ANO4: variants seen among roughly 807,000 people sequenced by gnomAD.
The protein encoded by ANO4 is anoctamin-4.
ANO4 carries 69 observed loss-of-function variants against 141.9 expected under a neutral mutation model. The observed-to-expected ratio is 0.49, with a 90% CI of 0.40 to 0.59. The LOEUF is 0.59. Among genes scored for constraint, ANO4 ranks in the 20% least tolerant of loss-of-function variants. The probability of loss-of-function intolerance (pLI) is 0.00; values close to 1 mark genes in which losing one functional copy is unlikely to be tolerated. For missense variants in ANO4, 894 were observed against 1,162.2 expected (o/e 0.77, Z 3.36); for synonymous variants, 350 against 394.3 (o/e 0.89, Z 1.33).
In ANO4 at chr12:101,080,883, T is replaced by TATTATA. The variant is rs1491584060; in HGVS notation, c.1395+1608_1395+1609insATTATA. On this transcript the variant is annotated intron_variant, in intron 15 of 27. Coordinates refer to ENST00000392977, the MANE Select transcript of ANO4 (RefSeq NM_001286615.2). ...GGTTCTAGATATATATATATATATA[T>TATTATA]TATATATATATATATATACATACAC... Among the ~76,000 whole-genome samples the TATTATA allele has an allele frequency of 4.7e-3, 351 of 74,086 alleles. 3 individuals carry two copies. Among genetic ancestry groups the TATTATA allele is most frequent in the African/African-American group, 0.013 (340 of 25,632 alleles). 48.6% of individuals were successfully genotyped at this position (74,086 alleles called of 152,430 possible).
At chr12:101,111,273 A>C (rs751040980) in intron 23 of ANO4, among the ~76,000 whole-genome samples, 2 of 152,182 alleles carry the variant, frequency 1.3e-5, no homozygotes, top group Non-Finnish European at 2.9e-5. Context: ...GGGGCTTGAC[A>C]TTATGTGTGC....
chr12:100,864,577 C>G (rs1219622783), intron 1 of ANO4, among the ~76,000 whole-genome samples: 1 of 152,188 alleles, frequency 6.6e-6, no homozygotes, highest in East Asian at 1.9e-4. Flanking sequence ...TCTTCAGCCT[C>G]TCACTCACAC....
At chr12:100,969,072 G>T (rs1265907534) in intron 5 of ANO4, among the ~76,000 whole-genome samples, 1 of 152,206 alleles carries the variant, frequency 6.6e-6, no homozygotes, top group Non-Finnish European at 1.5e-5. Context: ...GCAGTAACCT[G>T]CAGTGTTCAC....
intron 3 of ANO4, among the ~76,000 whole-genome samples, chr12:100,787,254 A>C (rs2033902449): frequency 6.6e-6 from 1 of 152,184 alleles, no homozygotes; most frequent in African/African-American, 2.4e-5. Context: ...AAAGAGGAGA[A>C]AGATGCTTGG....
At chr12:100,848,066 A>C (rs920923523) in intron 1 of ANO4, among the ~76,000 whole-genome samples, 25 of 152,336 alleles carry the variant, frequency 1.6e-4, no homozygotes, top group African/African-American at 5.1e-4. Flanking sequence ...TCTTATAATG[A>C]CTTAAAATAA....
chr12:100,837,370 C>A (rs954725773), intron 1 of ANO4, among the ~76,000 whole-genome samples: 10 of 152,120 alleles, frequency 6.6e-5, no homozygotes, highest in African/African-American at 2.4e-4. Flanking sequence ...GGTCACACGG[C>A]TAATAAGCAA....
intron 1 of ANO4, among the ~76,000 whole-genome samples, chr12:100,817,500 T>TA (rs762689844): frequency 6.6e-6 from 1 of 151,868 alleles, no homozygotes; most frequent in East Asian, 1.9e-4. Flanking sequence ...GCCATTTATC[T>TA]AAAAAAATAA....
At chr12:100,891,737 A>G (rs1255167801) in intron 1 of ANO4, among the ~76,000 whole-genome samples, 1 of 152,238 alleles carries the variant, frequency 6.6e-6, no homozygotes, top group Non-Finnish European at 1.5e-5. Flanking sequence ...CATATGTTAT[A>G]TCACATACTT....
intron 11 of ANO4, among the ~76,000 whole-genome samples, chr12:101,040,938 C>CT (rs994400721): frequency 9.9e-5 from 15 of 151,988 alleles, no homozygotes; most frequent in Non-Finnish European, 2.1e-4. Context: ...TGAACTCATC[C>CT]TTTTTTTGGC....
At chr12:100,826,302 T>TAC (rs397750845) in intron 1 of ANO4, among the ~76,000 whole-genome samples, 2 of 151,334 alleles carry the variant, frequency 1.3e-5, no homozygotes, top group Non-Finnish European at 2.9e-5. Context: ...GAAAAAAAGA[T>TAC]GGAAAATGGT....
chr12:101,113,095 A>G (rs1566266865), intron 24 of ANO4, among the ~76,000 whole-genome samples: 1 of 152,140 alleles, frequency 6.6e-6, no homozygotes, highest in African/African-American at 2.4e-5. Context: ...GCAGGAAGAG[A>G]TTAAAAGAGG....
chr12:101,024,487 T>C (rs2046653604), intron 9 of ANO4, among the ~76,000 whole-genome samples: 1 of 152,022 alleles, frequency 6.6e-6, no homozygotes, highest in African/African-American at 2.4e-5. Flanking sequence ...TCCCAGCTAC[T>C]TGGGAAGCTG....
intron 1 of ANO4, among the ~76,000 whole-genome samples, chr12:100,829,923 G>A (rs183844612): frequency 6.1e-4 from 93 of 152,168 alleles, no homozygotes; most frequent in Middle Eastern, 6.8e-3. Context: ...CGTGTTCACA[G>A]TTTGTGTAAG....
At chr12:101,084,255 C>T (rs114003993) in intron 16 of ANO4, among the ~76,000 whole-genome samples, 3,079 of 152,248 alleles carry the variant, frequency 0.02, 42 homozygotes, top group Middle Eastern at 0.048. Flanking sequence ...GTAAGTAAAA[C>T]AGTGCTCACC....
intron 26 of ANO4, among the ~76,000 whole-genome samples, chr12:101,126,353 C>CTGTT (rs1220087765): frequency 1.3e-5 from 2 of 151,936 alleles, no homozygotes; most frequent in Non-Finnish European, 2.9e-5. Flanking sequence ...GAATTTGTGA[C>CTGTT]TGTTTACCAA....
intron 8 of ANO4, among the ~76,000 whole-genome samples, chr12:100,991,382 A>G (rs139668060): frequency 9.9e-5 from 15 of 152,278 alleles, no homozygotes; most frequent in African/African-American, 3.4e-4. Flanking sequence ...TTCCAAATAT[A>G]GTCCAAAATC....
At chr12:100,771,927 G>C (rs1157381654) in intron 3 of ANO4, among the ~76,000 whole-genome samples, 1 of 152,192 alleles carries the variant, frequency 6.6e-6, no homozygotes, top group Non-Finnish European at 1.5e-5. Context: ...CATTCCCTGT[G>C]AGTTCTTCTA....
intron 1 of ANO4, among the ~76,000 whole-genome samples, chr12:100,719,203 A>G (rs1361685441): frequency 3.3e-5 from 5 of 152,234 alleles, no homozygotes; most frequent in Admixed American, 6.5e-5. Flanking sequence ...AATATCAATT[A>G]GAATTTCTGC....
At chr12:100,803,103 AGTT>A (rs1445964971) in intron 1 of ANO4, among the ~76,000 whole-genome samples, 1 of 152,188 alleles carries the variant, frequency 6.6e-6, no homozygotes, top group East Asian at 1.9e-4. Context: ...TCAAGACTAA[AGTT>A]GTCAGAATTT....
Sources: gnomAD v4.1 joint callset for allele counts (sites outside exome capture counted in the v4.1 genomes callset) on GRCh38, gnomAD v4.1.1 for gene constraint, MANE v1.5 for transcripts, NCBI Gene and HGNC (gene_info 2026-07-23, HGNC 2026-07-21) for gene names.